PCDHA4: variants seen among roughly 807,000 people sequenced by gnomAD.
PCDHA4 encodes protocadherin alpha 4, also known as protocadherin alpha-4.
In PCDHA4, 49 loss-of-function variants were observed where a neutral mutation model predicts 61.4. The ratio of observed to expected loss-of-function variants is 0.80; its 90% CI spans 0.63 to 1.01. The LOEUF (loss-of-function observed/expected upper bound fraction) is 1.01. Ranked by LOEUF, PCDHA4 falls within the 50% of genes least tolerant of loss-of-function variation. PCDHA4 has a pLI of 0.00. For missense variants in PCDHA4, 1,254 were observed against 1,235.8 expected (o/e 1.01, Z -0.22); for synonymous variants, 590 against 550.3 (o/e 1.07, Z -1.01).
At chr5:140,958,547 A>C (rs528303266) in intron 1 of PCDHA4, among the ~76,000 whole-genome samples, 3 of 152,308 alleles carry the variant, frequency 2.0e-5, no homozygotes, top group East Asian at 3.9e-4. Flanking sequence ...TTTATGAACC[A>C]ATAAATGTTT....
intron 1 of PCDHA4, chr5:140,865,906 T>A (rs2153227023): frequency 6.6e-6 from 1 of 152,286 alleles, no homozygotes; most frequent in Non-Finnish European, 1.5e-5. Flanking sequence ...CAGGCAAATC[T>A]TTCTTTCTGT....
At chr5:140,896,572 T>C (rs1208639295) in intron 1 of PCDHA4, among the ~76,000 whole-genome samples, 5 of 152,002 alleles carry the variant, frequency 3.3e-5, no homozygotes, top group Admixed American at 3.3e-4. Context: ...AGATGGGGTT[T>C]TGACGTGTTG....
chr5:141,000,776 G>A (rs1455881211), intron 3 of PCDHA4, among the ~76,000 whole-genome samples: 1 of 151,562 alleles, frequency 6.6e-6, no homozygotes, highest in Non-Finnish European at 1.5e-5. Context: ...GCATAGTGGC[G>A]CACACCTGTA....
intron 1 of PCDHA4, chr5:140,861,513 T>C: frequency 2.1e-6 from 1 of 470,750 alleles, no homozygotes; most frequent in East Asian, 6.2e-5. Flanking sequence ...CGAGGAGCTG[T>C]GTGGGAGGAT....
At chr5:140,938,251 A>C (rs1015321564) in intron 1 of PCDHA4, among the ~76,000 whole-genome samples, 4 of 152,176 alleles carry the variant, frequency 2.6e-5, no homozygotes, top group Non-Finnish European at 5.9e-5. Context: ...TGGTCTTTTA[A>C]AAACTTTCTA....
intron 1 of PCDHA4, chr5:140,877,005 C>A (rs1433546348): frequency 6.2e-7 from 1 of 1,612,356 alleles, no homozygotes; most frequent in African/African-American, 1.3e-5. Flanking sequence ...TGTCGGTGCA[C>A]GCGGAGAGCG....
At chr5:140,813,514 A>C (rs1765320066) in intron 1 of PCDHA4, 2 of 152,204 alleles carry the variant, frequency 1.3e-5, no homozygotes, top group Non-Finnish European at 2.9e-5. Flanking sequence ...AAAACATTGT[A>C]CAGATTTTTA....
chr5:140,824,068 A>G (rs2150131929), intron 1 of PCDHA4: 12 of 1,614,024 alleles, frequency 7.4e-6, no homozygotes, highest in Non-Finnish European at 1.0e-5. Context: ...AGCTCCACCC[A>G]AAACAGACCT....
At chr5:140,830,146 C>G (rs2150181875) in intron 1 of PCDHA4, 1 of 1,613,128 alleles carries the variant, frequency 6.2e-7, no homozygotes, top group Non-Finnish European at 8.5e-7. Flanking sequence ...CGTCGGTGGG[C>G]GCCGCGGGCC....
chr5:140,922,830 A>G (rs2081013341), intron 1 of PCDHA4, among the ~76,000 whole-genome samples: 1 of 152,264 alleles, frequency 6.6e-6, no homozygotes, highest in Admixed American at 6.5e-5. Context: ...TACTGCTAAT[A>G]GATGTCCTCA....
chr5:140,839,229 TTTTTATTGCTTTGC>T (rs2150295605), intron 1 of PCDHA4, among the ~76,000 whole-genome samples: 8 of 151,928 alleles, frequency 5.3e-5, no homozygotes, highest in Non-Finnish European at 1.0e-4. Context: ...CTGTAATCTG[TTTTTATTGCTTTGC>T]TTTTATGCTT....
chr5:140,808,921 C>G lies in PCDHA4; in HGVS notation c.1734C>G (p.Ser578Arg). 3 of 1,613,590 alleles carry G rather than the reference C, an allele frequency of 1.9e-6. No individual in the cohort carries two copies. Among genetic ancestry groups the G allele is most frequent in the Non-Finnish European group, 2.5e-6 (3 of 1,179,836 alleles). Reference protein sequence around the residue: ...PRAGGTGGAVSELVPWSVGVG... With the variant: ...PRAGGTGGAVRELVPWSVGVG... ...CGGGTGGCACTGGTGGCGCAGTGAG[C>G]GAGCTGGTGCCATGGTCGGTGGGTG... The change falls in exon 1 of 4, where the codon AGC (serine) becomes AGG (arginine). Residue 578 changes from serine (S) to arginine (R), a missense_variant. Transcript: ENST00000530339.
chr5:140,907,525 G>A (rs1016477325), intron 1 of PCDHA4, among the ~76,000 whole-genome samples: 3 of 152,196 alleles, frequency 2.0e-5, no homozygotes, highest in African/African-American at 4.8e-5. Flanking sequence ...AGGACAAATC[G>A]CTGCCCTTTC....
At chr5:140,875,242 T>A in intron 1 of PCDHA4, 1 of 943,028 alleles carries the variant, frequency 1.1e-6, no homozygotes, top group Non-Finnish European at 1.5e-6. Flanking sequence ...TGTACTTACA[T>A]AATCAGTCAC....
At chr5:140,849,606 C>A (rs2150442387) in intron 1 of PCDHA4, 1 of 1,598,692 alleles carries the variant, frequency 6.3e-7, no homozygotes, top group East Asian at 2.2e-5. Context: ...AGTTATTGCC[C>A]TGATTAGTGT....
chr5:140,834,827 T>C (rs1773317793), intron 1 of PCDHA4: 1 of 1,611,982 alleles, frequency 6.2e-7, no homozygotes, highest in African/African-American at 1.3e-5. Flanking sequence ...CCAGGCCGCT[T>C]GACTCTCGGT....
At chr5:140,889,910 T>C (rs1554184095) in intron 1 of PCDHA4, among the ~76,000 whole-genome samples, 1 of 152,156 alleles carries the variant, frequency 6.6e-6, no homozygotes, top group East Asian at 1.9e-4. Flanking sequence ...GAGATTGTCA[T>C]ACTGTAAAGA....
At chr5:140,963,631 G>A (rs1168776991) in intron 1 of PCDHA4, among the ~76,000 whole-genome samples, 2 of 152,144 alleles carry the variant, frequency 1.3e-5, no homozygotes, top group African/African-American at 2.4e-5. Flanking sequence ...TGTTGCATAC[G>A]CATCTTCCCT....
Position 140,849,870 on chromosome 5 carries a change from G to A in PCDHA4, c.2385+40298G>A, listed in dbSNP as rs2150455328. 1.3e-5 allele frequency: 21 copies of A among 1,598,494 alleles called. 3 individuals are homozygous for A. The highest frequency in any genetic ancestry group is 5.1e-5 in the Admixed American group (3 of 59,300). The stretch of plus-strand genomic sequence containing the variant: ...CAACGCACCAGCGTTCGCGCAGTCC[G>A]AGTACACGGTGTTCGTGAAGGAGAA... On this transcript the variant is annotated intron_variant, in intron 1 of 3. Transcript: ENST00000530339.
Sources: allele counts gnomAD v4.1 joint callset (sites outside exome capture counted in the v4.1 genomes callset), GRCh38; gene constraint gnomAD v4.1.1; transcripts MANE v1.5; gene names NCBI Gene and HGNC (gene_info 2026-07-23, HGNC 2026-07-21).